The following NRXN3 variants were observed in gnomAD, a reference collection of about 807,000 sequenced individuals.
NRXN3 encodes neurexin III.
A neutral mutation model predicts 137.6 loss-of-function variants in NRXN3; 32 were observed. That is an observed-to-expected ratio of 0.23 (90% CI 0.18 to 0.31). NRXN3 has a LOEUF of 0.31. NRXN3 is among the 10% of genes least tolerant of loss of function. The pLI is 1.00. For missense variants in NRXN3, 1,574 were observed against 2,062.5 expected (o/e 0.76, Z 4.59); for synonymous variants, 798 against 784.5 (o/e 1.02, Z -0.29).
chr14:79,594,431 A>C (rs995889851), intron 16 of NRXN3, among the ~76,000 whole-genome samples: 1 of 152,240 alleles, frequency 6.6e-6, no homozygotes, highest in African/African-American at 2.4e-5. Context: ...GATGAATTAC[A>C]GTACTAGAGA....
chr14:78,651,527 T>C (rs61976144), intron 6 of NRXN3, among the ~76,000 whole-genome samples: 8,300 of 152,254 alleles, frequency 0.055, 273 homozygotes, highest in Middle Eastern at 0.13. Flanking sequence ...TTTGTCACTT[T>C]AGTACTGTAT....
intron 15 of NRXN3, among the ~76,000 whole-genome samples, chr14:79,318,362 G>A (rs553260169): frequency 1.1e-3 from 171 of 152,308 alleles, no homozygotes; most frequent in African/African-American, 4.0e-3. Context: ...GGAAGGAAGG[G>A]ACAGTTTGGA....
At chr14:79,533,374 G>A (rs566711855) in intron 16 of NRXN3, among the ~76,000 whole-genome samples, 1 of 152,096 alleles carries the variant, frequency 6.6e-6, no homozygotes, top group East Asian at 1.9e-4. Context: ...TCAGTGCAAA[G>A]TGTCATCTTC....
intron 19 of NRXN3, among the ~76,000 whole-genome samples, chr14:79,731,657 T>A (rs1603451600): frequency 6.6e-6 from 1 of 150,754 alleles, no homozygotes; most frequent in African/African-American, 2.4e-5. Context: ...TTTTTTTTTT[T>A]GTATTTTTAG....
chr14:79,450,613 C>G (rs2096152212), intron 15 of NRXN3, among the ~76,000 whole-genome samples: 1 of 152,082 alleles, frequency 6.6e-6, no homozygotes, highest in Admixed American at 6.5e-5. Context: ...AATCCCAGCA[C>G]TTTGGTAGGC....
intron 16 of NRXN3, among the ~76,000 whole-genome samples, chr14:79,541,997 G>A (rs1057021855): frequency 1.3e-5 from 2 of 152,206 alleles, no homozygotes; most frequent in East Asian, 3.9e-4. Context: ...TCTCTGTATG[G>A]AACAAGAGTG....
At chr14:79,391,872 GA>G (rs1297582517) in intron 15 of NRXN3, among the ~76,000 whole-genome samples, 1 of 152,112 alleles carries the variant, frequency 6.6e-6, no homozygotes, top group Admixed American at 6.6e-5. Flanking sequence ...TTACTTTTAG[GA>G]AAAGAGAGAT....
At chr14:78,302,750 C>T (rs2076999145) in intron 4 of NRXN3, among the ~76,000 whole-genome samples, 1 of 152,256 alleles carries the variant, frequency 6.6e-6, no homozygotes, top group South Asian at 2.1e-4. Context: ...CCTGCCTTAT[C>T]ACCGTGGGGT....
At chr14:79,650,631 G>T (rs1334448624) in intron 16 of NRXN3, among the ~76,000 whole-genome samples, 2 of 152,046 alleles carry the variant, frequency 1.3e-5, no homozygotes, top group Non-Finnish European at 2.9e-5. Flanking sequence ...ACTCTTGAGG[G>T]CTAAAGAATG....
intron 15 of NRXN3, among the ~76,000 whole-genome samples, chr14:78,993,259 T>C (rs1381827106): frequency 6.6e-6 from 1 of 152,134 alleles, no homozygotes; most frequent in African/African-American, 2.4e-5. Context: ...TAAAAACACA[T>C]TTCCCATTCA....
chr14:78,547,254 T>C (rs1269526776), intron 4 of NRXN3, among the ~76,000 whole-genome samples: 4 of 151,738 alleles, frequency 2.6e-5, no homozygotes, highest in Non-Finnish European at 5.9e-5. Context: ...TCGCCCAGCC[T>C]GGATGCAGTG....
intron 15 of NRXN3, among the ~76,000 whole-genome samples, chr14:79,257,364 G>GTGA (rs1568816974): frequency 1.0e-5 from 1 of 95,458 alleles, no homozygotes; most frequent in Non-Finnish European, 2.2e-5. Flanking sequence ...GGTGGTGGTG[G>GTGA]TGGTGGTGGT....
At chr14:79,856,083 A>G (rs1357698266) in intron 20 of NRXN3, among the ~76,000 whole-genome samples, 1 of 152,196 alleles carries the variant, frequency 6.6e-6, no homozygotes, top group Non-Finnish European at 1.5e-5. Context: ...TAGCCTTTCC[A>G]AATCAAACCT....
chr14:79,053,539 G>A (rs2099645118), intron 15 of NRXN3, among the ~76,000 whole-genome samples: 1 of 152,176 alleles, frequency 6.6e-6, no homozygotes, highest in Non-Finnish European at 1.5e-5. Context: ...AAATCTGAAA[G>A]AGGAGAAAAG....
chr14:79,563,159 G>C (rs116336901), intron 16 of NRXN3, among the ~76,000 whole-genome samples: 6,540 of 152,216 alleles, frequency 0.043, 161 homozygotes, highest in Middle Eastern at 0.11. Flanking sequence ...GTAGATGAAA[G>C]ACTTTCTTTA....
intron 19 of NRXN3, among the ~76,000 whole-genome samples, chr14:79,732,389 A>G (rs934356602): frequency 6.6e-6 from 1 of 152,182 alleles, no homozygotes; most frequent in Non-Finnish European, 1.5e-5. Flanking sequence ...AAGAAGGAGC[A>G]TGAGAATAGG....
At chr14:78,685,810 CTTTTTTT>C (rs76135969) in intron 6 of NRXN3, among the ~76,000 whole-genome samples, 5,571 of 133,792 alleles carry the variant, frequency 0.042, 162 homozygotes, top group Non-Finnish European at 0.064. Flanking sequence ...GTTTTTCTTT[CTTTTTTT>C]TTTTTTTTTG....
intron 4 of NRXN3, among the ~76,000 whole-genome samples, chr14:78,333,756 G>A (rs532515776): frequency 6.6e-6 from 1 of 152,280 alleles, no homozygotes; most frequent in South Asian, 2.1e-4. Context: ...AGCCTTTGAT[G>A]GCTTCTGTGA....
intron 10 of NRXN3, among the ~76,000 whole-genome samples, chr14:78,849,340 G>C (rs566404237): frequency 6.0e-4 from 92 of 152,190 alleles, no homozygotes; most frequent in African/African-American, 2.2e-3. Context: ...TTGTCCCCAG[G>C]CTGCATATCA....
Sources: gnomAD v4.1 joint callset for allele counts (sites outside exome capture counted in the v4.1 genomes callset) on GRCh38, gnomAD v4.1.1 for gene constraint, MANE v1.5 for transcripts, NCBI Gene and HGNC (gene_info 2026-07-23, HGNC 2026-07-21) for gene names.